The following ZRANB1 variants were observed in gnomAD, a reference collection of about 807,000 sequenced individuals.
ZRANB1 encodes the protein ubiquitin thioesterase ZRANB1.
Under a neutral mutation model 80.5 loss-of-function variants are expected in ZRANB1, and 16 were observed. That is an observed-to-expected ratio of 0.20 (90% CI 0.13 to 0.30). ZRANB1 has a LOEUF of 0.30. Among genes scored for constraint, ZRANB1 ranks in the 10% least tolerant of loss-of-function variants. ZRANB1 has a pLI of 1.00. For missense variants in ZRANB1, 576 were observed against 862.6 expected (o/e 0.67, Z 4.16); for synonymous variants, 291 against 293.1 (o/e 0.99, Z 0.07).
Position 124,949,396 on chromosome 10 carries a change from A to C in ZRANB1, c.814+6089A>C, listed in dbSNP as rs931684827. 2.1e-5 allele frequency among the ~76,000 whole-genome samples: 3 copies of C among 141,070 alleles called. 1 individual carries two copies. In the South Asian group the frequency reaches 6.3e-4, roughly 30 times the overall value. The allele number at this position is 141,070 out of a possible 152,430, so 92.5% of individuals were successfully genotyped here. Reference sequence around the variant, plus strand: ...AATCAAACTTAAGTAACAAGTTCACATTGAAACTATGTATACACATATATA... The same window carrying C: ...AATCAAACTTAAGTAACAAGTTCACCTTGAAACTATGTATACACATATATA... On this transcript the variant is annotated intron_variant, in intron 1 of 8. Coordinates refer to ENST00000359653, the MANE Select transcript of ZRANB1 (RefSeq NM_017580.3).
chr10:124,948,268 G>C (rs1951601417), intron 1 of ZRANB1, among the ~76,000 whole-genome samples: 1 of 152,036 alleles, frequency 6.6e-6, no homozygotes, highest in Non-Finnish European at 1.5e-5. Flanking sequence ...TTTCTCTAAT[G>C]TATTACAAGA....
In ZRANB1 at chr10:124,986,095, G is replaced by C. The variant is rs945913137; in HGVS notation, c.*1103G>C. 6.6e-6 allele frequency: 1 copy of C among 152,592 alleles called. No homozygotes were observed. The highest frequency in any genetic ancestry group is 2.4e-5 in the African/African-American group (1 of 41,434). The allele number at this position is 152,592 out of a possible 1,614,324, so 9.5% of individuals were successfully genotyped here. A position where few individuals can be genotyped will look rare whatever the true frequency, so the allele number is the denominator to read the frequency against. On this transcript the variant is annotated 3_prime_UTR_variant, in exon 9 of 9. Transcript: ENST00000359653. ...AATTGTGGCCATTCTTTAATTTAAA[G>C]TTAAAACTATAATCTTAGGTAGAAA...
At chr10:124,972,265 G>A (rs945821497) in intron 3 of ZRANB1, 147 bp downstream of exon 3, 5 of 700,112 alleles carry the variant, frequency 7.1e-6, no homozygotes, top group African/African-American at 3.6e-5. Context: ...ATATATGCTG[G>A]AAGTGAGCAT....
At chr10:124,936,326 T>A in the ZRANB1 span, among the ~76,000 whole-genome samples, 1 of 152,194 alleles carries the variant, frequency 6.6e-6, no homozygotes, top group Non-Finnish European at 1.5e-5. Context: ...GGAAAAGGAT[T>A]GATGGCAGTG....
chr10:124,940,013 T>A (rs751583064), upstream of ZRANB1, among the ~76,000 whole-genome samples: 15 of 152,216 alleles, frequency 9.9e-5, no homozygotes, highest in Non-Finnish European at 2.1e-4. Flanking sequence ...TAGCTAAATA[T>A]AAGCAATTAT....
Position 124,985,093 on chromosome 10 carries a change from A to G in ZRANB1, c.*101A>G. On this transcript the variant is annotated 3_prime_UTR_variant, in exon 9 of 9. Transcript: ENST00000359653. ...GAGTCGACATCATGGAATGAACCAA[A>G]TCTGGCAGGATCTGCTCGGGGAAGT... is the stretch of plus-strand genomic sequence containing the variant. 1 of 855,256 alleles carries G rather than the reference A, an allele frequency of 1.2e-6. No homozygotes were observed. Among genetic ancestry groups the G allele is most frequent in the Non-Finnish European group, 1.8e-6 (1 of 545,088 alleles). 53.0% of individuals were successfully genotyped at this position (855,256 alleles called of 1,614,324 possible).
At chr10:124,937,340 C>T (rs1951496835), upstream of ZRANB1, among the ~76,000 whole-genome samples, 1 of 151,814 alleles carries the variant, frequency 6.6e-6, no homozygotes, top group Non-Finnish European at 1.5e-5. Context: ...GCACCTGCCA[C>T]CACGCCCAGC....
intron 5 of ZRANB1, among the ~76,000 whole-genome samples, chr10:124,980,074 G>T (rs1951919270): frequency 6.6e-6 from 1 of 152,194 alleles, no homozygotes; most frequent in African/African-American, 2.4e-5. Context: ...AAGACAGCTG[G>T]GATTATGATT....
intron 5 of ZRANB1, among the ~76,000 whole-genome samples, chr10:124,979,331 G>A (rs941404255): frequency 3.3e-5 from 5 of 152,158 alleles, no homozygotes; most frequent in African/African-American, 4.8e-5. Flanking sequence ...TTCCTATAGC[G>A]TCTTTGGTTT....
At chr10:124,940,376 A>ATAGC (rs1220613864), upstream of ZRANB1, 1 of 517,006 alleles carries the variant, frequency 1.9e-6, no homozygotes, top group Non-Finnish European at 3.1e-6. Context: ...CTTTACAGGA[A>ATAGC]TAGCTATTCA....
rs778503072 is a variant in ZRANB1 at position 124,943,057 on chromosome 10, T to C, written c.564T>C (p.Thr188=). 4.3e-6 allele frequency: 7 copies of C among 1,614,100 alleles called. No homozygotes were observed. The highest frequency in any genetic ancestry group is 2.2e-5 in the East Asian group (1 of 44,898). ...NNIEAIELAE[T]EEASSIINEQ... ...TTGAAGCAATAGAATTGGCAGAGAC[T>C]GAAGAGGCTTCTTCAATAATAAATG... The change falls in exon 1 of 9, where the codon ACT becomes ACC. Residue 188 remains threonine (T), a synonymous_variant. Transcript: ENST00000359653.
At chr10:124,966,514 A>G in intron 1 of ZRANB1, 80 bp from the exon 2 acceptor site, 1 of 1,396,416 alleles carries the variant, frequency 7.2e-7, no homozygotes, top group Non-Finnish European at 1.0e-6. Flanking sequence ...CACTTAAAAG[A>G]TTTTGGAGTG....
At chr10:124,928,123 A>G in the ZRANB1 span, among the ~76,000 whole-genome samples, 780 of 152,322 alleles carry the variant, frequency 5.1e-3, 5 homozygotes, top group African/African-American at 0.018. Flanking sequence ...AGGTGGGAAC[A>G]TTTAAGCTGG....
chr10:124,933,457 T>A, the ZRANB1 span, among the ~76,000 whole-genome samples: 1 of 152,180 alleles, frequency 6.6e-6, no homozygotes. Context: ...AAATTCTGAA[T>A]GAAGTAGCAT....
intron 2 of ZRANB1, 121 bp downstream of exon 2, chr10:124,966,902 C>G: frequency 1.1e-6 from 1 of 921,180 alleles, no homozygotes; most frequent in Non-Finnish European, 1.6e-6. Flanking sequence ...TCTTTTACCC[C>G]CTTTTAAAAA....
the ZRANB1 span, among the ~76,000 whole-genome samples, chr10:124,922,324 ATG>A: frequency 0.023 from 861 of 37,878 alleles, 20 homozygotes; most frequent in Middle Eastern, 0.043. Flanking sequence ...TGTAAAATAT[ATG>A]TATATATATA....
intron 1 of ZRANB1, among the ~76,000 whole-genome samples, chr10:124,944,495 C>T (rs545045627): frequency 0.085 from 9,284 of 108,760 alleles, 364 homozygotes; most frequent in Admixed American, 0.15. Context: ...CCCCCCCCCC[C>T]CCCGCCCCAA....
the ZRANB1 span, among the ~76,000 whole-genome samples, chr10:124,920,881 T>C: frequency 6.6e-6 from 1 of 152,168 alleles, no homozygotes; most frequent in Non-Finnish European, 1.5e-5. Context: ...AGACCATATA[T>C]TCAGCACTGA....
At chr10:124,963,287 A>AAAT (rs1564961886) in intron 1 of ZRANB1, among the ~76,000 whole-genome samples, 1 of 151,290 alleles carries the variant, frequency 6.6e-6, no homozygotes, top group African/African-American at 2.4e-5. Context: ...AAAAAAAAAA[A>AAAT]AATGCTTCAG....
Sources: allele counts gnomAD v4.1 joint callset (sites outside exome capture counted in the v4.1 genomes callset), GRCh38; gene constraint gnomAD v4.1.1; transcripts MANE v1.5; gene names NCBI Gene and HGNC (gene_info 2026-07-23, HGNC 2026-07-21).